Variants in DNAH12 observed in about 807,000 individuals in gnomAD.
DNAH12 encodes the protein axonemal beta dynein heavy chain 12.
In DNAH12, 285 loss-of-function variants were observed where a neutral mutation model predicts 371.5. That is an observed-to-expected ratio of 0.77 (90% CI 0.70 to 0.85). The LOEUF is 0.85. Ranked by LOEUF, DNAH12 falls within the 40% of genes least tolerant of loss-of-function variation. DNAH12 has a pLI of 0.00. For synonymous variants in DNAH12, 1,200 were observed against 1,213.0 expected (o/e 0.99, Z 0.22); for missense variants, 3,611 against 3,689.4 (o/e 0.98, Z 0.55).
intron 58 of DNAH12, among the ~76,000 whole-genome samples, chr3:57,359,219 T>C (rs1041529320): frequency 1.3e-5 from 2 of 152,220 alleles, no homozygotes; most frequent in Non-Finnish European, 2.9e-5. Context: ...TTAAAAATCA[T>C]TTACCATTAG....
At chr3:57,303,899 T>G (rs1283877160) in intron 69 of DNAH12, among the ~76,000 whole-genome samples, 2 of 152,074 alleles carry the variant, frequency 1.3e-5, no homozygotes, top group African/African-American at 4.8e-5. Flanking sequence ...ACAAAAGAAG[T>G]GAAATTTAAA....
intron 69 of DNAH12, among the ~76,000 whole-genome samples, chr3:57,304,557 AT>A (rs2061430273): frequency 6.6e-6 from 1 of 152,026 alleles, no homozygotes; most frequent in African/African-American, 2.4e-5. Context: ...AAGGAGATGC[AT>A]TTTATCCGTG....
intron 34 of DNAH12, 80 bp from the exon 35 acceptor site, chr3:57,425,221 G>C (rs1406578494): frequency 4.6e-6 from 3 of 655,574 alleles, no homozygotes; most frequent in Non-Finnish European, 8.2e-6. Context: ...TTTAAAAACT[G>C]ATAAAAGCAT....
In DNAH12 at chr3:57,293,845, G is replaced by A; in HGVS notation, c.11819C>T (p.Thr3940Ile). ...GATCCAGTGCCGAGTAGGTTGGTCT[G>A]TTTTTAACAACATTGCAATGACAAA... The part of the protein sequence containing the change: ...TNFVIAMLLK[T>I]DQPTRHWIKR... Residue 3940 changes from threonine (T) to isoleucine (I), a missense_variant, in exon 74 of 74, where the codon ACA becomes ATA. Around this residue, in one of 3 missense-constraint regions of DNAH12, gnomAD observed 2,266 missense variants for 2,236.9 expected, o/e 1.01. Transcript: ENST00000495027. 1.3e-6 allele frequency: 2 copies of A among 1,549,988 alleles called. No individual in the cohort carries two copies. The highest frequency in any genetic ancestry group is 1.7e-6 in the Non-Finnish European group (2 of 1,146,306).
At chr3:57,409,564 T>G (rs2064141434) in intron 39 of DNAH12, among the ~76,000 whole-genome samples, 1 of 152,012 alleles carries the variant, frequency 6.6e-6, no homozygotes, top group African/African-American at 2.4e-5. Flanking sequence ...AAAAAATCAC[T>G]GAGGAATAGT....
At chr3:57,311,089 T>C (rs2061574726) in intron 66 of DNAH12, 139 bp from the exon 67 acceptor site, 2 of 697,418 alleles carry the variant, frequency 2.9e-6, no homozygotes, top group African/African-American at 3.6e-5. Context: ...GATTGTTAGT[T>C]TTTTTTTGGA....
Position 57,302,567 on chromosome 3 carries a change from A to ATTTTTTTTTTTTTTTTTT in DNAH12, c.11190-646_11190-629dup, listed in dbSNP as rs71088056. ...TATATATATATATATATATATATGT[A>ATTTTTTTTTTTTTTTTTT]TTTTTTTTTTTTTTTTTTTTTTTTT... On this transcript the variant is annotated intron_variant, in intron 69 of 73. Coordinates refer to ENST00000495027, the MANE Select transcript of DNAH12 (RefSeq NM_001366028.2). Among the ~76,000 whole-genome samples the ATTTTTTTTTTTTTTTTTT allele has an allele frequency of 1.1e-4, 3 of 27,484 alleles. 1 individual carries two copies. The highest frequency in any genetic ancestry group is 1.9e-4 in the Non-Finnish European group (3 of 15,788). 18.0% of individuals were successfully genotyped at this position (27,484 alleles called of 152,430 possible).
At chr3:57,413,692 T>C (rs2064275324) in intron 39 of DNAH12, 54 bp downstream of exon 39, 1 of 1,495,016 alleles carries the variant, frequency 6.7e-7, no homozygotes, top group African/African-American at 1.4e-5. Context: ...TTTAAAAACC[T>C]AAAATAAAAA....
At chr3:57,325,415 G>A (rs1011850177) in intron 62 of DNAH12, among the ~76,000 whole-genome samples, 10 of 152,292 alleles carry the variant, frequency 6.6e-5, no homozygotes, top group South Asian at 2.1e-4. Context: ...CGTGGTTCAC[G>A]AAAAACCACT....
intron 16 of DNAH12, 57 bp from the exon 17 acceptor site, chr3:57,469,036 T>C (rs1383836359): frequency 6.9e-7 from 1 of 1,454,360 alleles, no homozygotes; most frequent in African/African-American, 1.4e-5. Context: ...GAAGGGGCCT[T>C]AGAGATCCTT....
chr3:57,371,604 T>A (rs2063170571), intron 55 of DNAH12, among the ~76,000 whole-genome samples: 1 of 151,756 alleles, frequency 6.6e-6, no homozygotes, highest in South Asian at 2.1e-4. Context: ...AAGGCTGCAG[T>A]GGGCCATGAT....
At chr3:57,526,790 TG>T (rs1180676367) in intron 2 of DNAH12, among the ~76,000 whole-genome samples, 1 of 152,060 alleles carries the variant, frequency 6.6e-6, no homozygotes, top group Non-Finnish European at 1.5e-5. Context: ...CCCAAAGTGC[TG>T]GGATTATAGG....
intron 55 of DNAH12, among the ~76,000 whole-genome samples, chr3:57,374,800 T>C (rs1010395063): frequency 2.0e-5 from 3 of 152,024 alleles, no homozygotes; most frequent in Admixed American, 6.5e-5. Context: ...CAATAACATA[T>C]ACATTATGAT....
Position 57,334,478 on chromosome 3 carries a change from A to C in DNAH12, c.9965T>G (p.Leu3322Ter), listed in dbSNP as rs1261222498. 4 of 1,548,240 alleles carry C rather than the reference A, an allele frequency of 2.6e-6. No homozygotes were observed. The highest frequency in any genetic ancestry group is 2.4e-5 in the East Asian group (1 of 40,832). ...TTGGTCTTTTACCTTATCAGGTCTT[A>C]AACACCGAAGAATTATTATTTTCTG... ...ELQKIIILRC[L>*]RPDKITPAIT... The change falls in exon 62 of 74, where the codon TTA (leucine) becomes TGA (stop). Residue 3322 changes from leucine (L) to a stop codon, truncating the protein, a stop_gained. Transcript: ENST00000495027. LOFTEE classifies it high-confidence loss of function.
At chr3:57,325,662 A>G (rs1438299004) in intron 62 of DNAH12, among the ~76,000 whole-genome samples, 3 of 152,178 alleles carry the variant, frequency 2.0e-5, no homozygotes, top group Non-Finnish European at 2.9e-5. Context: ...AAAGCAGAGC[A>G]CCTCTCCTCC....
At position 57,459,680 on chromosome 3, in the gene DNAH12, A is replaced by G. The variant is rs1452630700; in HGVS notation, c.2843T>C (p.Met948Thr). ...LEPIFCSEDI[M>T]QQMPEEGRQF... ...ACGCCCTTCTTCTGGCATCTGTTGC[A>G]TGATATCCTCAGAACAAAAGATGGG... is the stretch of plus-strand genomic sequence containing the variant. The change falls in exon 20 of 74, where the codon ATG (methionine) becomes ACG (threonine). Residue 948 changes from methionine to threonine, a missense_variant. Met to Thr is a moderately conservative substitution (Grantham distance 81). Transcript: ENST00000495027. The G allele has an allele frequency of 1.9e-6, 3 of 1,549,774 alleles. No homozygotes were observed. Among genetic ancestry groups the G allele is most frequent in the African/African-American group, 2.7e-5 (2 of 73,010 alleles).
At chr3:57,539,850 T>C (rs1331773334) in intron 2 of DNAH12, among the ~76,000 whole-genome samples, 1 of 151,946 alleles carries the variant, frequency 6.6e-6, no homozygotes, top group East Asian at 1.9e-4. Context: ...TCTTCTGACC[T>C]TGTGATCTGC....
chr3:57,305,635 T>C (rs1323976463), intron 69 of DNAH12, among the ~76,000 whole-genome samples: 1 of 152,136 alleles, frequency 6.6e-6, no homozygotes, highest in African/African-American at 2.4e-5. Context: ...CATGACTCAT[T>C]TGGCGGCAAC....
rs1043461689 is a variant in DNAH12 at position 57,369,152 on chromosome 3, A to C, written c.8760-892T>G. Reference sequence around the variant, plus strand: ...GGAGAATCGCTTAAACCCGGGAGGTAGAGATTGCAGTGAGCTAAGATTGCG... The same window carrying C: ...GGAGAATCGCTTAAACCCGGGAGGTCGAGATTGCAGTGAGCTAAGATTGCG... On this transcript the variant is annotated intron_variant, in intron 55 of 73. Transcript: ENST00000495027. Among the ~76,000 whole-genome samples the C allele has an allele frequency of 4.6e-5, 7 of 150,694 alleles. No homozygotes were observed. In the South Asian group the frequency reaches 1.0e-3, roughly 23 times the overall value.
Sources: gnomAD v4.1 joint callset for allele counts (sites outside exome capture counted in the v4.1 genomes callset) on GRCh38, gnomAD v4.1.1 for gene constraint, gnomAD v4.1.1 regional missense constraint, MANE v1.5 for transcripts, NCBI Gene and HGNC (gene_info 2026-07-23, HGNC 2026-07-21) for gene names.